The following CPZ variants were observed in gnomAD, a reference collection of about 807,000 sequenced individuals.
The protein encoded by CPZ is carboxypeptidase Z.
CPZ carries 103 observed loss-of-function variants against 61.8 expected under a neutral mutation model. The observed-to-expected ratio is 1.67, with a 90% CI of 1.42 to 1.96. The LOEUF (loss-of-function observed/expected upper bound fraction) is 1.96, where lower values mean the gene tolerates loss of function less well. Among genes scored for constraint, CPZ ranks in the 30% most tolerant of loss-of-function variants. The probability of loss-of-function intolerance (pLI) is 0.00; values close to 1 mark genes in which losing one functional copy is unlikely to be tolerated. For synonymous variants in CPZ, 551 were observed against 373.7 expected (o/e 1.47, Z -5.47); for missense variants, 1,461 against 914.9 (o/e 1.60, Z -7.70).
intron 7 of CPZ, chr4:8,611,059 CTCACTCATTCACTCATTCAT>C (rs966487296): frequency 1.1e-5 from 4 of 378,544 alleles, no homozygotes; most frequent in Non-Finnish European, 2.2e-5. Context: ...CATTCGCTCA[CTCACTCATTCACTCATTCAT>C]TCGCTCATTC....
rs150584868 is a variant in CPZ at position 8,607,533 on chromosome 4, C to T, written c.1227+108C>T. Reference sequence around the variant, plus strand: ...TCAGTGAAGGCAAAGCTCCTAGGAACCTCTACTCAGAGCGGGTCAGCACCA... The same window carrying T: ...TCAGTGAAGGCAAAGCTCCTAGGAATCTCTACTCAGAGCGGGTCAGCACCA... On this transcript the variant is annotated intron_variant, in intron 7 of 10. Transcript: ENST00000360986. 648 of 1,334,416 alleles carry T rather than the reference C, an allele frequency of 4.9e-4. 4 individuals are homozygous for T. In the African/African-American group the frequency reaches 8.1e-3, roughly 17 times the overall value. The allele number at this position is 1,334,416 out of a possible 1,614,324, so 82.7% of individuals were successfully genotyped here.
At chr4:8,596,176 C>G (rs28517271) in intron 1 of CPZ, among the ~76,000 whole-genome samples, 2 of 152,084 alleles carry the variant, frequency 1.3e-5, no homozygotes, top group East Asian at 1.9e-4. Flanking sequence ...CTCAGCCTCC[C>G]GAGTAGCTGG....
chr4:8,597,416 T>C (rs1714253497), intron 1 of CPZ: 1 of 152,150 alleles, frequency 6.6e-6, no homozygotes, highest in African/African-American at 2.4e-5. Flanking sequence ...ATGCTGCAGA[T>C]TGGTGGAGTC....
At chr4:8,605,326 C>CCATCCATCCATCCATCCATCATTTATG (rs1553876724) in intron 4 of CPZ, among the ~76,000 whole-genome samples, 13 of 115,946 alleles carry the variant, frequency 1.1e-4, no homozygotes, top group African/African-American at 5.2e-4. Context: ...ATTTATTCAT[C>CCATCCATCCATCCATCCATCATTTATG]CATCCATCCA....
At chr4:8,600,120 C>T (rs1460227217) in intron 2 of CPZ, among the ~76,000 whole-genome samples, 2 of 152,080 alleles carry the variant, frequency 1.3e-5, no homozygotes, top group African/African-American at 4.8e-5. Context: ...TGTAAAATGT[C>T]TATTTTATTT....
intron 1 of CPZ, among the ~76,000 whole-genome samples, chr4:8,596,350 G>A (rs191716695): frequency 7.2e-4 from 110 of 152,356 alleles, no homozygotes; most frequent in African/African-American, 2.5e-3. Flanking sequence ...GCACCCGGCT[G>A]TTGTTGATTT....
chr4:8,600,415 A>T (rs1255047295), intron 2 of CPZ, among the ~76,000 whole-genome samples: 2 of 152,236 alleles, frequency 1.3e-5, no homozygotes, highest in Admixed American at 1.3e-4. Context: ...AAAGAGGAGA[A>T]GGCCATCTGG....
At chr4:8,606,929 C>T (rs1157535299) in intron 6 of CPZ, 31 bp downstream of exon 6, 2 of 1,562,334 alleles carry the variant, frequency 1.3e-6, no homozygotes, top group South Asian at 1.2e-5. Flanking sequence ...TGCTGGTCTC[C>T]ACCAAGGCAT....
intron 7 of CPZ, among the ~76,000 whole-genome samples, chr4:8,608,386 C>T (rs1416538397): frequency 6.6e-6 from 1 of 152,134 alleles, no homozygotes; most frequent in Admixed American, 6.5e-5. Context: ...TGCCAGGTGC[C>T]GGGCCCCTCA....
chr4:8,601,334 C>T lies in CPZ; in HGVS notation c.333C>T (p.Gly111=), dbSNP rs759199755. 53 of 1,607,044 alleles carry T rather than the reference C, an allele frequency of 3.3e-5. 1 individual carries two copies. Among genetic ancestry groups the T allele is most frequent in the Admixed American group, 2.8e-4 (17 of 59,704 alleles). The change falls in exon 3 of 11, where the codon GGC becomes GGT. Residue 111 remains glycine, a synonymous_variant. Transcript: ENST00000360986. The part of the protein sequence containing the change: ...GCAVLAPRCE[G]GWVRRPCRHI... ...CTGTGCTGGCCCCCCGGTGTGAGGG[C>T]GGCTGGGTGCGCAGACCCTGCCGGC...
At position 8,619,591 on chromosome 4, in the gene CPZ, A is replaced by C. The variant is rs757454212; in HGVS notation, c.1933A>C (p.Arg645=). 2.6e-6 allele frequency: 4 copies of C among 1,511,692 alleles called. No individual in the cohort carries two copies. In the African/African-American group the frequency reaches 4.2e-5, roughly 16 times the overall value. 93.6% of individuals were successfully genotyped at this position (1,511,692 alleles called of 1,614,324 possible). ...CTACTTCACATCGCTGAGCACCCAC[A>C]GGCCACGCTGGCTGCTCAAGTACTA... ...WSYFTSLSTH[R]PRWLLKY The change falls in exon 11 of 11, where the codon AGG becomes CGG. Residue 645 remains arginine (R), a synonymous_variant. Transcript: ENST00000360986.
chr4:8,594,685 C>T (rs925753871), intron 1 of CPZ, among the ~76,000 whole-genome samples: 4 of 152,184 alleles, frequency 2.6e-5, no homozygotes, highest in Admixed American at 6.5e-5. Flanking sequence ...AACAGAAACA[C>T]AAAGCCATCC....
In CPZ at chr4:8,599,496, G is replaced by A. The variant is rs773067438; in HGVS notation, c.121+11G>A. 1.8e-5 allele frequency: 29 copies of A among 1,613,514 alleles called. 1 individual carries two copies. The South Asian group carries it at 2.4e-4, about 13-fold the overall frequency. ...CAGCTGCAGACAGCGGTACAGTACC[G>A]GGACCTCCCTGGCTTCTGTTCTGTA... On this transcript the variant is annotated intron_variant, in intron 2 of 10. Coordinates refer to ENST00000360986, the MANE Select transcript of CPZ (RefSeq NM_001014447.3).
At chr4:8,617,871 C>T (rs372203016) in intron 9 of CPZ, among the ~76,000 whole-genome samples, 1 of 152,132 alleles carries the variant, frequency 6.6e-6, no homozygotes, top group Non-Finnish European at 1.5e-5. Flanking sequence ...AGGGTGAAAA[C>T]GTTGGAGCTG....
chr4:8,616,961 A>T (rs766031474), intron 9 of CPZ, among the ~76,000 whole-genome samples: 8 of 152,084 alleles, frequency 5.3e-5, no homozygotes, highest in Non-Finnish European at 1.0e-4. Context: ...CTCATCATGG[A>T]TTCCATGTGC....
intron 7 of CPZ, among the ~76,000 whole-genome samples, chr4:8,609,470 C>G (rs7692629): frequency 6.6e-6 from 1 of 152,162 alleles, no homozygotes; most frequent in African/African-American, 2.4e-5. Context: ...ACCAAGGGTG[C>G]GAGGGGTGAG....
rs776226356 is a variant in CPZ, at chr4:8,605,971, CTCTG to C, written c.710-16_710-13del. ...CCGGCTTTGAGATGATGCCCCAAGTCTCTGTATTTGCCCCCAGTGGAGCCCGAGG... is the reference window on the plus strand; with the variant it reads ...CCGGCTTTGAGATGATGCCCCAAGTCTATTTGCCCCCAGTGGAGCCCGAGG... On this transcript the variant is annotated splice_polypyrimidine_tract_variant and intron_variant, in intron 4 of 10. Coordinates refer to ENST00000360986, the MANE Select transcript of CPZ (RefSeq NM_001014447.3). 1.9e-6 allele frequency: 3 copies of C among 1,605,668 alleles called. No individual in the cohort carries two copies. The African/African-American group carries it at 4.0e-5, about 21-fold the overall frequency.
At chr4:8,598,867 A>G (rs929409775) in intron 1 of CPZ, among the ~76,000 whole-genome samples, 1 of 152,036 alleles carries the variant, frequency 6.6e-6, no homozygotes, top group Non-Finnish European at 1.5e-5. Flanking sequence ...TTGTGTGTTG[A>G]TCCTTTGTTC....
chr4:8,611,311 G>A (rs375090993), intron 7 of CPZ: 1 of 455,750 alleles, frequency 2.2e-6, no homozygotes. Flanking sequence ...CCCCACAAAG[G>A]AGGATCTGTG....
Sources: allele counts gnomAD v4.1 joint callset (sites outside exome capture counted in the v4.1 genomes callset), GRCh38; gene constraint gnomAD v4.1.1; transcripts MANE v1.5; gene names NCBI Gene and HGNC (gene_info 2026-07-23, HGNC 2026-07-21).